Variants in SEPTIN11 observed in about 807,000 individuals in gnomAD.
The protein encoded by SEPTIN11 is septin 11.
In SEPTIN11, 25 loss-of-function variants were observed where a neutral mutation model predicts 51.4. That is an observed-to-expected ratio of 0.49 (90% CI 0.35 to 0.68). The LOEUF (loss-of-function observed/expected upper bound fraction) is 0.68, where lower values mean the gene tolerates loss of function less well. Ranked by LOEUF, SEPTIN11 falls within the 30% of genes least tolerant of loss-of-function variation. SEPTIN11 has a pLI of 0.00. For missense variants in SEPTIN11, 381 were observed against 520.8 expected (o/e 0.73, Z 2.61); for synonymous variants, 174 against 184.1 (o/e 0.95, Z 0.44).
chr4:76,995,905 T>C (rs1229605955), intron 1 of SEPTIN11: 1 of 1,535,610 alleles, frequency 6.5e-7, no homozygotes, highest in East Asian at 2.4e-5. Flanking sequence ...AACCAGCTCA[T>C]GTGCTGAGAA....
intron 7 of SEPTIN11, among the ~76,000 whole-genome samples, chr4:77,025,051 G>A (rs550221002): frequency 7.2e-5 from 11 of 152,232 alleles, no homozygotes; most frequent in African/African-American, 2.4e-4. Context: ...GTCTGTGTTC[G>A]TTCTCTCTTC....
chr4:77,026,668 G>A (rs142421195), intron 7 of SEPTIN11, among the ~76,000 whole-genome samples: 88 of 152,282 alleles, frequency 5.8e-4, no homozygotes, highest in African/African-American at 1.9e-3. Context: ...ACTTTCGGTG[G>A]TGTTTCTATC....
At chr4:76,964,993 T>C (rs1459091785) in intron 1 of SEPTIN11, among the ~76,000 whole-genome samples, 1 of 152,148 alleles carries the variant, frequency 6.6e-6, no homozygotes, top group Non-Finnish European at 1.5e-5. Context: ...GAACGACTGA[T>C]TCACTGAGTT....
chr4:77,019,067 A>G, intron 5 of SEPTIN11, 98 bp from the exon 6 acceptor site: 2 of 1,138,266 alleles, frequency 1.8e-6, no homozygotes, highest in South Asian at 3.1e-5. Flanking sequence ...CTTGTCACCA[A>G]GTAGAGGCCT....
intron 1 of SEPTIN11, among the ~76,000 whole-genome samples, chr4:76,981,908 A>T (rs1578139497): frequency 2.0e-5 from 3 of 152,274 alleles, no homozygotes; most frequent in Admixed American, 2.0e-4. Flanking sequence ...TAAGTACACT[A>T]GGGAGTGGGA....
intron 1 of SEPTIN11, among the ~76,000 whole-genome samples, chr4:76,987,079 C>G (rs1723069441): frequency 6.6e-6 from 1 of 152,088 alleles, no homozygotes; most frequent in South Asian, 2.1e-4. Context: ...TAATCAAGTG[C>G]TTTTTTGGTT....
intron 1 of SEPTIN11, chr4:76,974,686 T>A (rs967564775): frequency 1.6e-5 from 7 of 448,000 alleles, no homozygotes; most frequent in African/African-American, 1.4e-4. Flanking sequence ...GTCACCGATC[T>A]TGTGTTTAGG....
At chr4:77,027,601 A>AGG (rs1726269159) in intron 7 of SEPTIN11, among the ~76,000 whole-genome samples, 5 of 152,246 alleles carry the variant, frequency 3.3e-5, no homozygotes, top group Non-Finnish European at 7.3e-5. Flanking sequence ...CAGAGTGGCT[A>AGG]TCCAGTTTGT....
chr4:76,986,008 T>A (rs538128523), intron 1 of SEPTIN11, among the ~76,000 whole-genome samples: 1 of 151,024 alleles, frequency 6.6e-6, no homozygotes, highest in African/African-American at 2.4e-5. Flanking sequence ...CCGAAAAGAG[T>A]GTGGTGGGTG....
intron 1 of SEPTIN11, among the ~76,000 whole-genome samples, chr4:76,957,946 A>C (rs921027130): frequency 5.9e-5 from 9 of 152,166 alleles, no homozygotes; most frequent in Non-Finnish European, 1.0e-4. Flanking sequence ...ACATAAAAAC[A>C]CAAAACAAAA....
intron 8 of SEPTIN11, 73 bp downstream of exon 8, chr4:77,028,834 G>C (rs992482354): frequency 6.7e-7 from 1 of 1,493,242 alleles, no homozygotes. Flanking sequence ...CGCTTTAGAG[G>C]ACTTCATGAT....
chr4:77,015,719 G>A (rs1229472893), intron 5 of SEPTIN11, among the ~76,000 whole-genome samples: 1 of 152,196 alleles, frequency 6.6e-6, no homozygotes, highest in Non-Finnish European at 1.5e-5. Context: ...ATATAGTGGA[G>A]GCCCAGTGAT....
chr4:77,015,117 GAT>G, intron 5 of SEPTIN11, 100 bp downstream of exon 5: 1 of 1,156,484 alleles, frequency 8.6e-7, no homozygotes, highest in Middle Eastern at 2.0e-4. Context: ...CTAGGAACCT[GAT>G]GACTTCAGCT....
Position 77,036,209 on chromosome 4 carries a change from T to C in SEPTIN11, c.*1697T>C. On this transcript the variant is annotated 3_prime_UTR_variant, in exon 10 of 10. Transcript: ENST00000264893. ...CAAAGCTGGAATAGAAACTACACACTAGACACAGCAGTAGTCATAGTCTTC... is the reference window on the plus strand; with the variant it reads ...CAAAGCTGGAATAGAAACTACACACCAGACACAGCAGTAGTCATAGTCTTC... 2 of 992,102 alleles carry C rather than the reference T, an allele frequency of 2.0e-6. No homozygotes were observed. The highest frequency in any genetic ancestry group is 2.4e-6 in the Non-Finnish European group (2 of 834,194). The allele number at this position is 992,102 out of a possible 1,614,324, so 61.5% of individuals were successfully genotyped here.
chr4:76,990,675 C>T (rs949908330), intron 1 of SEPTIN11, among the ~76,000 whole-genome samples: 1 of 152,210 alleles, frequency 6.6e-6, no homozygotes, highest in African/African-American at 2.4e-5. Context: ...ATCCCCAAAC[C>T]AACCCTGTCC....
chr4:77,034,722 C>A lies in SEPTIN11; in HGVS notation c.*210C>A. 7.9e-7 allele frequency: 1 copy of A among 1,264,094 alleles called. No homozygotes were observed. The highest frequency in any genetic ancestry group is 1.0e-6 in the Non-Finnish European group (1 of 1,000,734). 78.3% of individuals were successfully genotyped at this position (1,264,094 alleles called of 1,614,324 possible). A position where few individuals can be genotyped will look rare whatever the true frequency, so the allele number is the denominator to read the frequency against. On this transcript the variant is annotated 3_prime_UTR_variant, in exon 10 of 10. Coordinates refer to ENST00000264893, the MANE Select transcript of SEPTIN11 (RefSeq NM_018243.4). ...GAATAACCGCGAATGCTCTGTGCAG[C>A]TGGACTCTGTTTCCGGAAAGTAAAT...
chr4:77,037,368 AAAG>A lies in SEPTIN11; in HGVS notation c.*2859_*2861del. Reference sequence around the variant, plus strand: ...TGAAGTGAGACTCTCCAAAAAAAAAAAAGAAATTATTAATCCCTGCCTGTGCTC... The same window carrying A: ...TGAAGTGAGACTCTCCAAAAAAAAAAAAATTATTAATCCCTGCCTGTGCTC... On this transcript the variant is annotated 3_prime_UTR_variant, in exon 10 of 10. Coordinates refer to ENST00000264893, the MANE Select transcript of SEPTIN11 (RefSeq NM_018243.4). 5.1e-6 allele frequency: 5 copies of A among 985,410 alleles called. No individual in the cohort carries two copies. Among genetic ancestry groups the A allele is most frequent in the Non-Finnish European group, 6.0e-6 (5 of 829,914 alleles). The allele number at this position is 985,410 out of a possible 1,614,324, so 61.0% of individuals were successfully genotyped here.
At chr4:76,968,350 T>A (rs1722112314) in intron 1 of SEPTIN11, among the ~76,000 whole-genome samples, 1 of 152,156 alleles carries the variant, frequency 6.6e-6, no homozygotes, top group Non-Finnish European at 1.5e-5. Context: ...TAATCCTTAT[T>A]GAGGCCTAAG....
At chr4:77,023,883 G>A (rs1234202831) in intron 7 of SEPTIN11, among the ~76,000 whole-genome samples, 1 of 152,204 alleles carries the variant, frequency 6.6e-6, no homozygotes, top group East Asian at 1.9e-4. Context: ...GTGCTTGGAA[G>A]ATGGATCTTC....
Sources: gnomAD v4.1 joint callset for allele counts (sites outside exome capture counted in the v4.1 genomes callset) on GRCh38, gnomAD v4.1.1 for gene constraint, MANE v1.5 for transcripts, NCBI Gene and HGNC (gene_info 2026-07-23, HGNC 2026-07-21) for gene names.